FTCDNL1: variants seen among roughly 807,000 people sequenced by gnomAD.
The protein encoded by FTCDNL1 is formiminotransferase N-terminal subdomain-containing protein.
FTCDNL1 carries 11 observed loss-of-function variants against 5.9 expected under a neutral mutation model. The ratio of observed to expected loss-of-function variants is 1.87; its 90% CI spans 1.18 to 3.10. The LOEUF is 3.10. FTCDNL1 is among the 30% of genes most tolerant of loss of function. The probability of loss-of-function intolerance (pLI) is 0.00; values close to 1 mark genes in which losing one functional copy is unlikely to be tolerated. For synonymous variants in FTCDNL1, 58 were observed against 24.8 expected (o/e 2.34, Z -3.99); for missense variants, 115 against 65.5 (o/e 1.76, Z -2.61).
chr2:199,749,050 A>T, the FTCDNL1 span, among the ~76,000 whole-genome samples: 1 of 152,114 alleles, frequency 6.6e-6, no homozygotes, highest in Non-Finnish European at 1.5e-5. Context: ...CACCTGTTCT[A>T]TATGGGGAGC....
intron 3 of FTCDNL1, among the ~76,000 whole-genome samples, chr2:199,797,117 T>G (rs1011619078): frequency 1.3e-5 from 2 of 152,228 alleles, no homozygotes; most frequent in African/African-American, 2.4e-5. Flanking sequence ...TTATAAGCGA[T>G]AGCAATCATT....
the FTCDNL1 span, among the ~76,000 whole-genome samples, chr2:199,677,810 G>A: frequency 3.6e-4 from 55 of 152,242 alleles, no homozygotes; most frequent in South Asian, 2.1e-3. Flanking sequence ...AAAACCAATC[G>A]TTTCAACTCT....
the FTCDNL1 span, among the ~76,000 whole-genome samples, chr2:199,735,422 G>A: frequency 1.3e-5 from 2 of 152,010 alleles, no homozygotes; most frequent in Non-Finnish European, 2.9e-5. Flanking sequence ...ATTTTACAGG[G>A]TAAACGGTTG....
chr2:199,774,604 G>A (rs1049381374), intron 3 of FTCDNL1, among the ~76,000 whole-genome samples: 20 of 152,042 alleles, frequency 1.3e-4, no homozygotes, highest in African/African-American at 3.9e-4. Context: ...CAGGCAAAAC[G>A]GGTTTTAAGG....
chr2:199,845,224 C>A (rs969982250), intron 3 of FTCDNL1, among the ~76,000 whole-genome samples: 2 of 152,050 alleles, frequency 1.3e-5, no homozygotes, highest in Admixed American at 1.3e-4. Flanking sequence ...ACCATTTTAG[C>A]AATAGAGGAA....
the FTCDNL1 span, among the ~76,000 whole-genome samples, chr2:199,752,738 C>G: frequency 0.014 from 352 of 25,234 alleles, 1 homozygote; most frequent in East Asian, 0.086. Context: ...ATCTCTCTCT[C>G]TCTGTGTGTG....
chr2:199,672,555 G>A, the FTCDNL1 span, among the ~76,000 whole-genome samples: 1 of 152,100 alleles, frequency 6.6e-6, no homozygotes, highest in Non-Finnish European at 1.5e-5. Context: ...GAGCAGGGTA[G>A]CTGGGTGGTT....
the FTCDNL1 span, among the ~76,000 whole-genome samples, chr2:199,706,369 TAGG>T: frequency 6.6e-6 from 1 of 152,138 alleles, no homozygotes; most frequent in Non-Finnish European, 1.5e-5. Context: ...GCCTTGGAAG[TAGG>T]AGGTTATGCT....
chr2:199,789,907 T>A (rs1298912382), intron 3 of FTCDNL1, among the ~76,000 whole-genome samples: 1 of 152,084 alleles, frequency 6.6e-6, no homozygotes, highest in Non-Finnish European at 1.5e-5. Flanking sequence ...ATACAGGACC[T>A]GCATAAAGAG....
chr2:199,711,121 C>T, the FTCDNL1 span, among the ~76,000 whole-genome samples: 1 of 152,020 alleles, frequency 6.6e-6, no homozygotes, highest in Non-Finnish European at 1.5e-5. Flanking sequence ...TAGGGTGCAG[C>T]CTTCTGATGA....
intron 4 of FTCDNL1, among the ~76,000 whole-genome samples, chr2:199,814,887 T>C (rs1701257845): frequency 6.6e-6 from 1 of 152,182 alleles, no homozygotes; most frequent in African/African-American, 2.4e-5. Context: ...TTCTTATTTA[T>C]AGTAGAAAGA....
At chr2:199,775,835 A>G (rs571044486) in intron 3 of FTCDNL1, among the ~76,000 whole-genome samples, 1 of 151,136 alleles carries the variant, frequency 6.6e-6, no homozygotes, top group Admixed American at 6.6e-5. Context: ...CCTCACAACC[A>G]CTCAATGAAA....
chr2:199,814,443 T>C (rs1701230577), intron 4 of FTCDNL1, among the ~76,000 whole-genome samples: 1 of 152,234 alleles, frequency 6.6e-6, no homozygotes. Context: ...GACGTTTCCT[T>C]GCTCTGTGAG....
At chr2:199,740,093 C>T in the FTCDNL1 span, among the ~76,000 whole-genome samples, 1 of 152,202 alleles carries the variant, frequency 6.6e-6, no homozygotes, top group Admixed American at 6.5e-5. Flanking sequence ...AATTACCGCA[C>T]CTTTTTTCAC....
the FTCDNL1 span, among the ~76,000 whole-genome samples, chr2:199,676,336 T>C: frequency 6.6e-6 from 1 of 152,154 alleles, no homozygotes. Context: ...TTTGTTCCTA[T>C]TGAGTTCTCA....
chr2:199,764,395 G>C (rs1698412745), intron 3 of FTCDNL1, among the ~76,000 whole-genome samples: 1 of 152,266 alleles, frequency 6.6e-6, no homozygotes, highest in African/African-American at 2.4e-5. Flanking sequence ...CTGGACTCTG[G>C]ACCCAGGAAG....
At chr2:199,808,031 C>A (rs1161861840), downstream of FTCDNL1, among the ~76,000 whole-genome samples, 1 of 152,084 alleles carries the variant, frequency 6.6e-6, no homozygotes, top group East Asian at 1.9e-4. Flanking sequence ...TGAGTGAGTT[C>A]TTGTGAGATC....
At chr2:199,790,120 C>T (rs918175951) in intron 3 of FTCDNL1, among the ~76,000 whole-genome samples, 28 of 151,992 alleles carry the variant, frequency 1.8e-4, no homozygotes, top group Non-Finnish European at 2.9e-4. Context: ...TATACTAAAA[C>T]ACTTTTGAAA....
At position 199,837,001 on chromosome 2, in the gene FTCDNL1, G is replaced by GA. The variant is rs1362009427; in HGVS notation, c.211+9073dup. 3.9e-5 allele frequency among the ~76,000 whole-genome samples: 6 copies of GA among 152,322 alleles called. No homozygotes were observed. The South Asian group carries it at 1.2e-3, about 32-fold the overall frequency. On this transcript the variant is annotated intron_variant, in intron 3 of 4. Transcript: ENST00000420128. ...AGGTTGTAGCAGAGCCACAGTAAGA[G>GA]AAAAGAGTGCAGCTTTTTCAAGTAT... is the stretch of plus-strand genomic sequence containing the variant.
Sources: gnomAD v4.1 joint callset for allele counts (sites outside exome capture counted in the v4.1 genomes callset) on GRCh38, gnomAD v4.1.1 for gene constraint, MANE v1.5 for transcripts, NCBI Gene and HGNC (gene_info 2026-07-23, HGNC 2026-07-21) for gene names.